PAEP: variants seen among roughly 807,000 people sequenced by gnomAD.
PAEP encodes the protein progestagen associated endometrial protein.
Under a neutral mutation model 23.0 loss-of-function variants are expected in PAEP, and 28 were observed. That is an observed-to-expected ratio of 1.22 (90% CI 0.90 to 1.67). The LOEUF is 1.67. PAEP is among the 40% of genes most tolerant of loss of function. The probability of loss-of-function intolerance (pLI) is 0.00; values close to 1 mark genes in which losing one functional copy is unlikely to be tolerated. For synonymous variants in PAEP, 103 were observed against 92.4 expected, an observed-to-expected ratio of 1.12 and a Z score of -0.66; for missense variants, 209 against 226.4, an observed-to-expected ratio of 0.92 and a Z score of 0.49.
intron 3 of PAEP, 92 bp from the exon 4 acceptor site, chr9:135,564,152 C>T: frequency 6.6e-7 from 1 of 1,509,502 alleles, no homozygotes; most frequent in Non-Finnish European, 8.9e-7. Context: ...ATGAGGAAGC[C>T]ACTTAGTGTG....
chr9:135,562,398 C>G lies in PAEP; in HGVS notation c.201C>G (p.Thr67=), dbSNP rs1230703580. 1 of 1,613,980 alleles carries G rather than the reference C, an allele frequency of 6.2e-7. No individual in the cohort carries two copies. The highest frequency in any genetic ancestry group is 1.3e-5 in the African/African-American group (1 of 74,938). Residue 67 remains threonine (T), a synonymous_variant, in exon 2 of 7, where the codon ACC becomes ACG. Coordinates refer to ENST00000479141, the MANE Select transcript of PAEP (RefSeq NM_002571.4). ...TCCACATCACCTCACTGTTGCCCAC[C>G]CCCGAGGACAACCTGGAGATCGTTC... The part of the protein sequence containing the change: ...LRVHITSLLP[T]PEDNLEIVLH...
At chr9:135,564,423 G>A (rs1371412301) in intron 4 of PAEP, 69 bp downstream of exon 4, 7 of 1,529,432 alleles carry the variant, frequency 4.6e-6, no homozygotes, top group Non-Finnish European at 6.2e-6. Flanking sequence ...TGGGAACCCT[G>A]GGGAGCTGAC....
rs1272320621 is a variant in PAEP at position 135,562,375 on chromosome 9, C to T, written c.178C>T (p.His60Tyr). The part of the protein sequence containing the change: ...MATLKAPLRV[H>Y]ITSLLPTPED... ...GACACTGAAGGCCCCTCTGAGGGTCCACATCACCTCACTGTTGCCCACCCC... is the reference window on the plus strand; with the variant it reads ...GACACTGAAGGCCCCTCTGAGGGTCTACATCACCTCACTGTTGCCCACCCC... Residue 60 changes from histidine to tyrosine, a missense_variant, in exon 2 of 7, where the codon CAC (histidine) becomes TAC (tyrosine). By Grantham distance (83) the His-to-Tyr change is moderately conservative (BLOSUM62 2). Transcript: ENST00000479141. The T allele has an allele frequency of 1.2e-6, 2 of 1,614,134 alleles. No homozygotes were observed. Among genetic ancestry groups the T allele is most frequent in the Admixed American group, 3.3e-5 (2 of 60,016 alleles).
At chr9:135,562,481 C>A (rs183461979) in intron 2 of PAEP, 48 bp downstream of exon 2, 347 of 1,597,342 alleles carry the variant, frequency 2.2e-4, no homozygotes, top group Non-Finnish European at 2.9e-4. Context: ...TCAGTCTCCC[C>A]CCTCAGGGGT....
At chr9:135,562,982 T>A (rs371463366) in intron 3 of PAEP, 89 bp downstream of exon 3, 1 of 998,100 alleles carries the variant, frequency 1.0e-6, no homozygotes, top group East Asian at 2.4e-5. Flanking sequence ...CATGAGGGAG[T>A]GGGGCCTGGC....
At chr9:135,564,044 G>A (rs1338545722) in intron 3 of PAEP, among the ~76,000 whole-genome samples, 200 bp from the exon 4 acceptor site, 2 of 152,120 alleles carry the variant, frequency 1.3e-5, no homozygotes, top group Admixed American at 6.5e-5. Context: ...CCCCTCAGCC[G>A]GGGCTCCATG....
rs748920320 is a variant in PAEP, at chr9:135,562,470, C to T, written c.236+37C>T. 5.0e-6 allele frequency: 8 copies of T among 1,603,374 alleles called. No individual in the cohort carries two copies. In the South Asian group the frequency reaches 9.0e-5, roughly 18 times the overall value. ...ATCATTGAGACGGGCTGGGCGGGGG[C>T]TCAGTCTCCCCCCTCAGGGGTCCAG... On this transcript the variant is annotated intron_variant, in intron 2 of 6. Coordinates refer to ENST00000479141, the MANE Select transcript of PAEP (RefSeq NM_002571.4).
At chr9:135,564,108 C>T in intron 3 of PAEP, 136 bp from the exon 4 acceptor site, 1 of 1,366,188 alleles carries the variant, frequency 7.3e-7, no homozygotes, top group Non-Finnish European at 9.9e-7. Flanking sequence ...TGATCATGGT[C>T]CACAGCAGGG....
Position 135,564,828 on chromosome 9 carries a change from CATCG to C in PAEP, c.421+476_421+479del. 5.1e-6 allele frequency: 5 copies of C among 985,406 alleles called. No homozygotes were observed. In the South Asian group the frequency reaches 2.3e-4, roughly 46 times the overall value. 61.0% of individuals were successfully genotyped at this position (985,406 alleles called of 1,614,324 possible). On this transcript the variant is annotated intron_variant, in intron 4 of 6. Coordinates refer to ENST00000479141, the MANE Select transcript of PAEP (RefSeq NM_002571.4). ...CAGGCTGAGTTTTTCTCCAGCGGTT[CATCG>C]AGTCCTCTGACAAAGCAAGGAGCTG...
At position 135,565,898 on chromosome 9, in the gene PAEP, T is replaced by C. The variant is rs563073310; in HGVS notation, c.*97T>C. On this transcript the variant is annotated intron_variant, in intron 6 of 6. Coordinates refer to ENST00000479141, the MANE Select transcript of PAEP (RefSeq NM_002571.4). ...GGCCCCTGGGACAGACCCTACTGTG[T>C]CCAGTTCAGGGCTGACCCTACAGGA... The C allele has an allele frequency of 2.2e-6, 3 of 1,345,954 alleles. No homozygotes were observed. In the South Asian group the frequency reaches 3.5e-5, roughly 16 times the overall value. The allele number at this position is 1,345,954 out of a possible 1,614,324, so 83.4% of individuals were successfully genotyped here.
intron 4 of PAEP, chr9:135,564,931 A>G: frequency 1.1e-6 from 1 of 945,284 alleles, no homozygotes; most frequent in African/African-American, 1.8e-5. Flanking sequence ...CTGGGCGTCC[A>G]GTCAAAACGC....
rs749315616 is a variant in PAEP at position 135,562,359 on chromosome 9, G to T, written c.162G>T (p.Lys54Asn). Residue 54 changes from lysine to asparagine, a missense_variant, in exon 2 of 7, where the codon AAG becomes AAT. By Grantham distance (94) the Lys-to-Asn change is moderately conservative (BLOSUM62 0). Transcript: ENST00000479141. ...ACATCTCCCTCATGGCGACACTGAA[G>T]GCCCCTCTGAGGGTCCACATCACCT... is the stretch of plus-strand genomic sequence containing the variant. ...TNNISLMATLKAPLRVHITSL... is the reference protein window; with the variant it reads ...TNNISLMATLNAPLRVHITSL... 1.2e-6 allele frequency: 2 copies of T among 1,614,140 alleles called. No individual in the cohort carries two copies. The highest frequency in any genetic ancestry group is 1.7e-6 in the Non-Finnish European group (2 of 1,180,016).
intron 4 of PAEP, chr9:135,564,564 C>A: frequency 1.2e-6 from 1 of 861,758 alleles, no homozygotes; most frequent in Non-Finnish European, 1.4e-6. Context: ...AGTGTAGTGA[C>A]GTGATCTCGG....
At chr9:135,562,938 TAGC>T (rs1832379736) in intron 3 of PAEP, 45 bp downstream of exon 3, 1 of 1,449,868 alleles carries the variant, frequency 6.9e-7, no homozygotes, top group Non-Finnish European at 9.7e-7. Context: ...GCTGGCATGC[TAGC>T]CACGCTCTCC....
At chr9:135,565,218 G>A in intron 4 of PAEP, 192 bp from the exon 5 acceptor site, 1 of 601,646 alleles carries the variant, frequency 1.7e-6, no homozygotes, top group South Asian at 2.0e-5. Context: ...GGGAGCTGGG[G>A]TCAGGGAACC....
chr9:135,562,027 C>A, intron 1 of PAEP, 130 bp downstream of exon 1: 1 of 791,506 alleles, frequency 1.3e-6, no homozygotes, highest in Non-Finnish European at 2.0e-6. Context: ...CGTCAGGAAG[C>A]CCTCAGCCCT....
chr9:135,566,198 T>G (rs1262708047), intron 6 of PAEP: 1 of 194,666 alleles, frequency 5.1e-6, no homozygotes, highest in Non-Finnish European at 1.1e-5. Flanking sequence ...TAAGATGGAG[T>G]CTCGCTCTGT....
At chr9:135,564,956 T>C in intron 4 of PAEP, 2 of 842,296 alleles carry the variant, frequency 2.4e-6, no homozygotes, top group African/African-American at 1.8e-5. Context: ...AAACCTATGA[T>C]GCTGTCAACC....
chr9:135,562,972 C>T (rs1020557668), intron 3 of PAEP, 79 bp downstream of exon 3: 1 of 1,122,434 alleles, frequency 8.9e-7, no homozygotes, highest in African/African-American at 1.5e-5. Context: ...TCTGCTGGGG[C>T]ATGAGGGAGT....
Sources: allele counts gnomAD v4.1 joint callset (sites outside exome capture counted in the v4.1 genomes callset), GRCh38; gene constraint gnomAD v4.1.1; transcripts MANE v1.5; gene names NCBI Gene and HGNC (gene_info 2026-07-23, HGNC 2026-07-21).